GLIS3: variants seen among roughly 807,000 people sequenced by gnomAD.
GLIS3 encodes zinc finger protein GLIS3.
A neutral mutation model predicts 78.6 loss-of-function variants in GLIS3; 53 were observed. The observed-to-expected ratio is 0.67, with a 90% confidence interval of 0.54 to 0.85. GLIS3 has a LOEUF of 0.85. Among genes scored for constraint, GLIS3 ranks in the 40% least tolerant of loss-of-function variants. GLIS3 has a pLI of 0.00. For missense variants in GLIS3, 1,703 were observed against 1,231.1 expected (o/e 1.38, Z -5.74); for synonymous variants, 684 against 509.9 (o/e 1.34, Z -4.60).
intron 1 of GLIS3, among the ~76,000 whole-genome samples, chr9:4,288,709 A>G (rs67339302): frequency 0.05 from 7,491 of 148,744 alleles, 373 homozygotes; most frequent in African/African-American, 0.13. Flanking sequence ...TATAAACTAC[A>G]CTCCCGTTTT....
intron 2 of GLIS3, among the ~76,000 whole-genome samples, chr9:4,201,296 C>T (rs1425179926): frequency 1.3e-5 from 2 of 152,142 alleles, no homozygotes; most frequent in African/African-American, 4.8e-5. Context: ...CCACTTTCAC[C>T]AGTCTTAATC....
At chr9:4,091,127 G>A (rs1439733532) in intron 4 of GLIS3, among the ~76,000 whole-genome samples, 4 of 152,136 alleles carry the variant, frequency 2.6e-5, no homozygotes, top group East Asian at 1.9e-4. Context: ...GTCTTGGGTG[G>A]GAAGATGGCT....
intron 2 of GLIS3, among the ~76,000 whole-genome samples, chr9:4,343,029 G>C (rs534772037): frequency 2.0e-5 from 3 of 152,282 alleles, no homozygotes; most frequent in African/African-American, 4.8e-5. Flanking sequence ...ATAATCATTA[G>C]AGAAAAGCAA....
At chr9:4,173,564 ACACAC>A (rs1816560000) in intron 2 of GLIS3, among the ~76,000 whole-genome samples, 2 of 1,104 alleles carry the variant, frequency 1.8e-3, no homozygotes, top group African/African-American at 2.0e-3. Flanking sequence ...GTATAGATAC[ACACAC>A]ACACACACAC....
intron 2 of GLIS3, among the ~76,000 whole-genome samples, chr9:4,136,959 T>A (rs1019652156): frequency 4.6e-5 from 7 of 152,174 alleles, no homozygotes; most frequent in African/African-American, 1.7e-4. Flanking sequence ...TCACCTGATG[T>A]GCATCTGGGA....
In GLIS3 at chr9:4,298,054, G is replaced by A. The variant is rs557453002; in HGVS notation, c.-99+1367C>T. Among the ~76,000 whole-genome samples, 7 of 152,280 alleles carry A rather than the reference G, an allele frequency of 4.6e-5. No homozygotes were observed. The East Asian group carries it at 7.7e-4, about 17-fold the overall frequency. On this transcript the variant is annotated intron_variant, in intron 1 of 10. Coordinates refer to ENST00000381971, the MANE Select transcript of GLIS3 (RefSeq NM_001042413.2). ...CTCGGCCCCGTGCGCGAGCGAGCGAGGGAGCGAACGCAGCGCAACAAAACA... is the reference window on the plus strand; with the variant it reads ...CTCGGCCCCGTGCGCGAGCGAGCGAAGGAGCGAACGCAGCGCAACAAAACA...
At chr9:4,465,548 C>T in the GLIS3 span, among the ~76,000 whole-genome samples, 1 of 150,328 alleles carries the variant, frequency 6.7e-6, no homozygotes, top group African/African-American at 2.4e-5. Context: ...GACTCCGACT[C>T]AAAAAAATAT....
At chr9:3,895,184 A>AAGAT (rs750308350) in intron 7 of GLIS3, among the ~76,000 whole-genome samples, 17 of 152,248 alleles carry the variant, frequency 1.1e-4, no homozygotes, top group Non-Finnish European at 2.2e-4. Flanking sequence ...TGTTCACCAG[A>AAGAT]AGATATACAA....
intron 2 of GLIS3, among the ~76,000 whole-genome samples, chr9:4,233,835 CCAT>C (rs1235785445): frequency 6.6e-6 from 1 of 152,212 alleles, no homozygotes; most frequent in Non-Finnish European, 1.5e-5. Flanking sequence ...TTTAGTGTAG[CCAT>C]CATCATCAGT....
chr9:4,079,865 T>A (rs1026082414), intron 4 of GLIS3, among the ~76,000 whole-genome samples: 1 of 150,750 alleles, frequency 6.6e-6, no homozygotes, highest in Non-Finnish European at 1.5e-5. Context: ...TAAGTAAACA[T>A]CAACACTGCT....
At chr9:4,083,013 C>A (rs1335248630) in intron 4 of GLIS3, among the ~76,000 whole-genome samples, 1 of 152,110 alleles carries the variant, frequency 6.6e-6, no homozygotes, top group African/African-American at 2.4e-5. Context: ...TTTTAGAAGA[C>A]CTAGGTCTGA....
chr9:4,297,351 G>A (rs7872368), intron 1 of GLIS3, among the ~76,000 whole-genome samples: 29,025 of 152,172 alleles, frequency 0.19, 3,528 homozygotes, highest in Middle Eastern at 0.32. Context: ...GTGAGGCCTT[G>A]GGCAAAACCT....
intron 4 of GLIS3, among the ~76,000 whole-genome samples, chr9:3,991,789 C>T (rs1820298464): frequency 6.7e-6 from 1 of 148,252 alleles, no homozygotes; most frequent in Non-Finnish European, 1.5e-5. Flanking sequence ...CTCCCGGCTT[C>T]ATGCCATTCT....
At chr9:3,991,689 T>A (rs1322033678) in intron 4 of GLIS3, among the ~76,000 whole-genome samples, 11 of 122,150 alleles carry the variant, frequency 9.0e-5, no homozygotes, top group South Asian at 8.7e-4. Flanking sequence ...GCTGATTTTT[T>A]TTTTTTTTTT....
At chr9:4,487,287 A>G in the GLIS3 span, among the ~76,000 whole-genome samples, 1 of 152,128 alleles carries the variant, frequency 6.6e-6, no homozygotes, top group Admixed American at 6.5e-5. Context: ...GTGTTAAGAG[A>G]TGCCTGTCCA....
intron 4 of GLIS3, among the ~76,000 whole-genome samples, chr9:4,007,825 A>G (rs1236863913): frequency 6.9e-6 from 1 of 144,822 alleles, no homozygotes; most frequent in Non-Finnish European, 1.5e-5. Context: ...TTGGGTAGCA[A>G]TCACAGACAT....
chr9:3,983,449 G>A (rs539274190), intron 4 of GLIS3, among the ~76,000 whole-genome samples: 10 of 152,296 alleles, frequency 6.6e-5, no homozygotes, highest in African/African-American at 2.2e-4. Context: ...ATGTGGAAGC[G>A]GCTCTGAGAC....
intron 9 of GLIS3, among the ~76,000 whole-genome samples, chr9:3,839,343 C>T (rs1818571830): frequency 6.6e-6 from 1 of 152,108 alleles, no homozygotes; most frequent in Non-Finnish European, 1.5e-5. Context: ...AGAATGAAAA[C>T]AGCAATCACA....
chr9:3,840,641 G>T (rs1184945842), intron 9 of GLIS3, among the ~76,000 whole-genome samples: 1 of 152,298 alleles, frequency 6.6e-6, no homozygotes, highest in East Asian at 1.9e-4. Flanking sequence ...CATTTCTTTT[G>T]AAGGAACCCA....
Sources: allele counts gnomAD v4.1 joint callset (sites outside exome capture counted in the v4.1 genomes callset), GRCh38; gene constraint gnomAD v4.1.1; transcripts MANE v1.5; gene names NCBI Gene and HGNC (gene_info 2026-07-23, HGNC 2026-07-21).